PPP4R3B: variants seen among roughly 807,000 people sequenced by gnomAD.
PPP4R3B encodes serine/threonine-protein phosphatase 4 regulatory subunit 3B.
PPP4R3B carries 52 observed loss-of-function variants against 95.4 expected under a neutral mutation model. That is an observed-to-expected ratio of 0.54 (90% CI 0.44 to 0.69). The LOEUF (loss-of-function observed/expected upper bound fraction) is 0.69. Ranked by LOEUF, PPP4R3B falls within the 30% of genes least tolerant of loss-of-function variation. PPP4R3B has a pLI of 0.00. For synonymous variants in PPP4R3B, 407 were observed against 343.9 expected (o/e 1.18, Z -2.03); for missense variants, 1,003 against 1,005.9 (o/e 1.00, Z 0.04).
intron 11 of PPP4R3B, among the ~76,000 whole-genome samples, chr2:55,574,657 G>A (rs549150211): frequency 4.0e-5 from 6 of 149,000 alleles, no homozygotes; most frequent in East Asian, 1.9e-4. Flanking sequence ...GCAGTGGCGC[G>A]ATCTTGGCTC....
At chr2:55,560,706 G>A (rs1431129913) in intron 15 of PPP4R3B, among the ~76,000 whole-genome samples, 1 of 149,266 alleles carries the variant, frequency 6.7e-6, no homozygotes, top group Admixed American at 6.8e-5. Flanking sequence ...GAACCTGGGA[G>A]GCAGAGGTTG....
intron 4 of PPP4R3B, among the ~76,000 whole-genome samples, chr2:55,596,295 C>T (rs1348597400): frequency 6.6e-6 from 1 of 152,060 alleles, no homozygotes; most frequent in East Asian, 1.9e-4. Flanking sequence ...GGAGTTATTT[C>T]TAAATAGAAC....
chr2:55,609,586 T>G (rs1022418377), intron 2 of PPP4R3B, among the ~76,000 whole-genome samples: 1 of 150,314 alleles, frequency 6.7e-6, no homozygotes, highest in African/African-American at 2.5e-5. Flanking sequence ...GGTGGGAGCC[T>G]GAGCGCAGGA....
At chr2:55,588,515 GAA>G (rs11376018) in intron 5 of PPP4R3B, among the ~76,000 whole-genome samples, 2 of 94,798 alleles carry the variant, frequency 2.1e-5, no homozygotes, top group Admixed American at 1.1e-4. Context: ...CTCCATCTCA[GAA>G]AAAAAAAAAA....
intron 4 of PPP4R3B, among the ~76,000 whole-genome samples, chr2:55,593,725 A>T (rs1172925178): frequency 6.6e-6 from 1 of 152,134 alleles, no homozygotes; most frequent in Non-Finnish European, 1.5e-5. Flanking sequence ...ACATAGCAAA[A>T]CCCCACCTCT....
At chr2:55,561,270 A>G (rs1370134466) in intron 15 of PPP4R3B, among the ~76,000 whole-genome samples, 1 of 152,186 alleles carries the variant, frequency 6.6e-6, no homozygotes, top group Non-Finnish European at 1.5e-5. Flanking sequence ...CTGATTCTCA[A>G]ACCACCTAGA....
chr2:55,552,876 C>G (rs1189531715), intron 16 of PPP4R3B, among the ~76,000 whole-genome samples: 2 of 152,110 alleles, frequency 1.3e-5, no homozygotes, highest in Admixed American at 6.6e-5. Flanking sequence ...AAGCCAAGAA[C>G]TAAGTATTTG....
chr2:55,581,921 G>T (rs1231229658), intron 7 of PPP4R3B, among the ~76,000 whole-genome samples: 1 of 151,090 alleles, frequency 6.6e-6, no homozygotes, highest in African/African-American at 2.4e-5. Flanking sequence ...AAAGAAGAAG[G>T]AGGAAAAAAA....
chr2:55,577,077 T>C (rs1314123753), intron 11 of PPP4R3B, among the ~76,000 whole-genome samples: 4 of 152,204 alleles, frequency 2.6e-5, no homozygotes, highest in Non-Finnish European at 4.4e-5. Flanking sequence ...TTTCAGACAA[T>C]GCCTTCTCAT....
chr2:55,572,357 A>G (rs1688119354), intron 12 of PPP4R3B, among the ~76,000 whole-genome samples: 1 of 152,204 alleles, frequency 6.6e-6, no homozygotes, highest in Admixed American at 6.5e-5. Flanking sequence ...GACAATGAAG[A>G]TGGACATTTT....
chr2:55,564,561 G>A lies in PPP4R3B; in HGVS notation c.2076-64C>T, dbSNP rs973043451. ...AAGTTCATCATCAGATTGAACTGAA[G>A]GAAAAATATGTATAACCAAGATGAA... On this transcript the variant is annotated intron_variant, in intron 14 of 16. Transcript: ENST00000616407. 6 of 1,373,466 alleles carry A rather than the reference G, an allele frequency of 4.4e-6. No homozygotes were observed. The African/African-American group carries it at 5.9e-5, about 14-fold the overall frequency. The allele number at this position is 1,373,466 out of a possible 1,614,324, so 85.1% of individuals were successfully genotyped here.
chr2:55,586,452 A>G (rs1010745423), intron 6 of PPP4R3B, among the ~76,000 whole-genome samples, 166 bp downstream of exon 6: 1 of 152,226 alleles, frequency 6.6e-6, no homozygotes, highest in African/African-American at 2.4e-5. Context: ...TTACATACTG[A>G]TATTAAAAAT....
chr2:55,574,256 T>G (rs937906546), intron 11 of PPP4R3B, among the ~76,000 whole-genome samples: 2 of 151,308 alleles, frequency 1.3e-5, no homozygotes, highest in Non-Finnish European at 2.9e-5. Flanking sequence ...TTAGGCAGAC[T>G]CTCCAGAAGC....
intron 4 of PPP4R3B, among the ~76,000 whole-genome samples, chr2:55,597,033 T>G (rs912068500): frequency 2.0e-5 from 3 of 152,152 alleles, no homozygotes; most frequent in African/African-American, 4.8e-5. Context: ...AAGAGTAGAA[T>G]AGTGGTTACT....
chr2:55,601,150 A>G (rs1692548058), intron 3 of PPP4R3B, among the ~76,000 whole-genome samples: 1 of 151,184 alleles, frequency 6.6e-6, no homozygotes, highest in Admixed American at 6.6e-5. Context: ...TCAAAAAAAA[A>G]AAAAAAAAAA....
chr2:55,563,100 TAGTC>T (rs1686833521), intron 15 of PPP4R3B, among the ~76,000 whole-genome samples: 2 of 152,016 alleles, frequency 1.3e-5, no homozygotes, highest in Admixed American at 1.3e-4. Context: ...CTTTTGACAA[TAGTC>T]AGGGCAGTAC....
chr2:55,589,469 G>C lies in PPP4R3B; in HGVS notation c.922-513C>G, dbSNP rs370695268. ...AAATACAACAACCTACAACCAACTG[G>C]TGCACAGTTTTACACGTTCTTGCGG... On this transcript the variant is annotated intron_variant, in intron 4 of 16. Coordinates refer to ENST00000616407, the MANE Select transcript of PPP4R3B (RefSeq NM_001122964.3). 3.9e-5 allele frequency among the ~76,000 whole-genome samples: 6 copies of C among 152,208 alleles called. No individual in the cohort carries two copies. In the South Asian group the frequency reaches 8.3e-4, roughly 21 times the overall value.
intron 15 of PPP4R3B, among the ~76,000 whole-genome samples, chr2:55,563,361 C>A (rs933942882): frequency 6.6e-6 from 1 of 152,180 alleles, no homozygotes; most frequent in African/African-American, 2.4e-5. Context: ...AGGCTTTTAT[C>A]TTCTAAGACA....
At chr2:55,603,686 C>T (rs922094149) in intron 3 of PPP4R3B, among the ~76,000 whole-genome samples, 1 of 152,104 alleles carries the variant, frequency 6.6e-6, no homozygotes, top group African/African-American at 2.4e-5. Flanking sequence ...GATTTAATTA[C>T]TTAATCTTCT....
Sources: gnomAD v4.1 joint callset for allele counts (sites outside exome capture counted in the v4.1 genomes callset) on GRCh38, gnomAD v4.1.1 for gene constraint, MANE v1.5 for transcripts, NCBI Gene and HGNC (gene_info 2026-07-23, HGNC 2026-07-21) for gene names.